Variants in KRT86 observed in about 807,000 individuals in gnomAD.
KRT86 encodes the protein keratin 86, also known as keratin, type II cuticular Hb6.
In KRT86, 30 loss-of-function variants were observed where a neutral mutation model predicts 41.2. That is an observed-to-expected ratio of 0.73 (90% CI 0.54 to 0.99). The LOEUF is 0.99. Ranked by LOEUF, KRT86 falls within the 50% of genes least tolerant of loss-of-function variation. KRT86 has a pLI of 0.00. For missense variants in KRT86, 561 were observed against 571.4 expected (o/e 0.98, Z 0.19); for synonymous variants, 238 against 238.1 (o/e 1.00, Z 0.00).
rs374147224 is a variant in KRT86 at position 52,283,771 on chromosome 12, C to T, written c.-5+7825C>T. ...CTGGGATTACAGGCGTGAGCCACCA[C>T]GCCCAGCCCCAAACATTGTATTTCA... On this transcript the variant is annotated intron_variant, in intron 2 of 10. Transcript: ENST00000423955. 1.0e-3 allele frequency among the ~76,000 whole-genome samples: 156 copies of T among 151,454 alleles called. 1 individual carries two copies. Among genetic ancestry groups the T allele is most frequent in the African/African-American group, 3.2e-3 (133 of 41,364 alleles).
intron 2 of KRT86, among the ~76,000 whole-genome samples, chr12:52,280,269 T>G (rs1373235478): frequency 2.0e-5 from 3 of 151,638 alleles, no homozygotes; most frequent in Non-Finnish European, 4.4e-5. Flanking sequence ...TTGGTCCGAG[T>G]TTTTACAAGG....
At chr12:52,297,325 T>A (rs1380985723) in intron 2 of KRT86, among the ~76,000 whole-genome samples, 1 of 152,224 alleles carries the variant, frequency 6.6e-6, no homozygotes, top group Non-Finnish European at 1.5e-5. Context: ...AATTTGGATA[T>A]GCTCTACCAG....
intron 2 of KRT86, among the ~76,000 whole-genome samples, chr12:52,283,660 A>G (rs1210890504): frequency 4.6e-5 from 7 of 151,914 alleles, no homozygotes; most frequent in African/African-American, 1.5e-4. Flanking sequence ...TTGTATTTTC[A>G]GTAGAGATGG....
intron 2 of KRT86, among the ~76,000 whole-genome samples, chr12:52,283,033 G>A (rs1937812416): frequency 6.6e-6 from 1 of 152,178 alleles, no homozygotes; most frequent in South Asian, 2.1e-4. Flanking sequence ...CGCATACACT[G>A]CACAGTTGCA....
chr12:52,306,845 G>C (rs1938530468), intron 9 of KRT86: 1 of 167,332 alleles, frequency 6.0e-6, no homozygotes. Flanking sequence ...CAGGATTTTT[G>C]CTTGTTTGCT....
At chr12:52,286,377 C>G (rs965450179) in intron 2 of KRT86, 1 of 1,555,136 alleles carries the variant, frequency 6.4e-7, no homozygotes, top group Non-Finnish European at 8.7e-7. Flanking sequence ...GCACACAGGC[C>G]GGTGCTCACC....
chr12:52,288,803 T>G (rs1340927353), intron 2 of KRT86, among the ~76,000 whole-genome samples: 1 of 152,122 alleles, frequency 6.6e-6, no homozygotes, highest in East Asian at 1.9e-4. Context: ...GCCCAGTGGC[T>G]GCTCCTGGTT....
chr12:52,308,672 C>A lies in KRT86; in HGVS notation c.*87C>A. 1 of 1,343,320 alleles carries A rather than the reference C, an allele frequency of 7.4e-7. No individual in the cohort carries two copies. Among genetic ancestry groups the A allele is most frequent in the Non-Finnish European group, 1.0e-6 (1 of 969,720 alleles). The allele number at this position is 1,343,320 out of a possible 1,614,324, so 83.2% of individuals were successfully genotyped here. ...CACCAGAACGCGCCGCCCGCGCCGGCCTCCCAATAGCCGCCGCCCGCTGCC... is the reference window on the plus strand; with the variant it reads ...CACCAGAACGCGCCGCCCGCGCCGGACTCCCAATAGCCGCCGCCCGCTGCC... On this transcript the variant is annotated 3_prime_UTR_variant, in exon 11 of 11. Transcript: ENST00000423955.
intron 2 of KRT86, among the ~76,000 whole-genome samples, chr12:52,285,226 A>G (rs974467513): frequency 3.3e-5 from 5 of 152,194 alleles, no homozygotes; most frequent in Admixed American, 1.3e-4. Flanking sequence ...ACCAGGGCCC[A>G]GCTTGGGGCC....
intron 2 of KRT86, chr12:52,291,265 G>A (rs1185662562): frequency 1.8e-5 from 28 of 1,528,564 alleles, no homozygotes; most frequent in Admixed American, 4.1e-5. Flanking sequence ...ACACGCCCCC[G>A]GAGCGGTAGC....
rs758094830 is a variant in KRT86, at chr12:52,291,328, G to A, written c.-4-10585G>A. 1.1e-4 allele frequency: 178 copies of A among 1,555,068 alleles called. No individual in the cohort carries two copies. The highest frequency in any genetic ancestry group is 1.4e-4 in the Non-Finnish European group (163 of 1,151,276). ...GAAAGCCTCCGCACACGCTGTGGCTGCCGAAGCCCCCGGTGAGGCCGCGGT... is the reference window on the plus strand; with the variant it reads ...GAAAGCCTCCGCACACGCTGTGGCTACCGAAGCCCCCGGTGAGGCCGCGGT... On this transcript the variant is annotated intron_variant, in intron 2 of 10. Transcript: ENST00000423955.
At chr12:52,287,131 G>A in intron 2 of KRT86, 1 of 1,613,308 alleles carries the variant, frequency 6.2e-7, no homozygotes, top group Non-Finnish European at 8.5e-7. Context: ...GCAGGCGCCT[G>A]TAGGTGGCGA....
chr12:52,291,473 C>T (rs769155748), intron 2 of KRT86: 1 of 1,612,680 alleles, frequency 6.2e-7, no homozygotes, highest in Admixed American at 1.7e-5. Context: ...CATGATCCTC[C>T]TGGACGTTTG....
In KRT86 at chr12:52,301,895, C is replaced by T. The variant is rs1285513697; in HGVS notation, c.-4-18C>T. The T allele has an allele frequency of 6.2e-7, 1 of 1,613,848 alleles. No individual in the cohort carries two copies. Among genetic ancestry groups the T allele is most frequent in the Non-Finnish European group, 8.5e-7 (1 of 1,179,768 alleles). ...TCGGACGTCTCCATCCTCAGAACCT[C>T]CTCTCTTCCCCAAAAAGCACCATGA... On this transcript the variant is annotated intron_variant, in intron 2 of 10. Coordinates refer to ENST00000423955, the MANE Select transcript of KRT86 (RefSeq NM_001320198.2).
intron 2 of KRT86, among the ~76,000 whole-genome samples, chr12:52,276,482 AG>A (rs2121189563): frequency 6.6e-6 from 1 of 152,292 alleles, no homozygotes; most frequent in South Asian, 2.1e-4. Context: ...TTTGGATGTG[AG>A]GCAGAGGGTC....
chr12:52,288,283 A>G, intron 2 of KRT86: 1 of 1,605,534 alleles, frequency 6.2e-7, no homozygotes, highest in East Asian at 2.2e-5. Flanking sequence ...ACCTCTACCC[A>G]CATCCTGTCC....
At chr12:52,308,344 A>G in intron 10 of KRT86, 60 bp from the exon 11 acceptor site, 1 of 1,612,656 alleles carries the variant, frequency 6.2e-7, no homozygotes, top group Non-Finnish European at 8.5e-7. Context: ...GCTCGCAGCA[A>G]AGCCACTCAC....
At chr12:52,299,245 C>A (rs1938317767) in intron 2 of KRT86, among the ~76,000 whole-genome samples, 1 of 152,198 alleles carries the variant, frequency 6.6e-6, no homozygotes, top group South Asian at 2.1e-4. Flanking sequence ...ATAATGTCCT[C>A]CAGTTCCATC....
chr12:52,298,842 T>C (rs1369774864), intron 2 of KRT86, among the ~76,000 whole-genome samples: 4 of 152,244 alleles, frequency 2.6e-5, no homozygotes, highest in African/African-American at 9.6e-5. Flanking sequence ...ATAATAGTTA[T>C]ACATGTTTAT....
Sources: allele counts gnomAD v4.1 joint callset (sites outside exome capture counted in the v4.1 genomes callset), GRCh38; gene constraint gnomAD v4.1.1; transcripts MANE v1.5; gene names NCBI Gene and HGNC (gene_info 2026-07-23, HGNC 2026-07-21).